The following KCNMA1 variants were observed in gnomAD, a reference collection of about 807,000 sequenced individuals.
The protein encoded by KCNMA1 is Calcium-activated potassium channel subunit alpha-1.
In KCNMA1, 29 loss-of-function variants were observed where a neutral mutation model predicts 140.0. The observed-to-expected ratio is 0.21, with a 90% CI of 0.15 to 0.28. The LOEUF is 0.28. KCNMA1 is among the 10% of genes least tolerant of loss of function. KCNMA1 has a pLI of 1.00. For synonymous variants in KCNMA1, 612 were observed against 611.9 expected (o/e 1.00, Z 0.00); for missense variants, 880 against 1,602.2 (o/e 0.55, Z 7.70).
rs1374875097 is a variant in KCNMA1 at position 76,947,419 on chromosome 10, C to A, written c.2709+1723G>T. Among the ~76,000 whole-genome samples, 4 of 152,096 alleles carry A rather than the reference C, an allele frequency of 2.6e-5. No homozygotes were observed. The East Asian group carries it at 7.7e-4, about 29-fold the overall frequency. ...TACACAAACACACAAAACACACACACAAATACCAAATATCACACATATACC... is the reference window on the plus strand; with the variant it reads ...TACACAAACACACAAAACACACACAAAAATACCAAATATCACACATATACC... On this transcript the variant is annotated intron_variant, in intron 22 of 27. Coordinates refer to ENST00000286628, the MANE Select transcript of KCNMA1 (RefSeq NM_001161352.2).
intron 1 of KCNMA1, among the ~76,000 whole-genome samples, chr10:77,589,286 C>G (rs2154564420): frequency 6.6e-6 from 1 of 152,244 alleles, no homozygotes; most frequent in Non-Finnish European, 1.5e-5. Flanking sequence ...TGGAGTAGGA[C>G]AAGTACTTAG....
At chr10:77,467,761 G>A (rs971696682) in intron 1 of KCNMA1, among the ~76,000 whole-genome samples, 3 of 152,208 alleles carry the variant, frequency 2.0e-5, no homozygotes, top group Admixed American at 6.5e-5. Flanking sequence ...GCCACTCGCC[G>A]AGTTCTACAT....
intron 1 of KCNMA1, among the ~76,000 whole-genome samples, chr10:77,432,077 C>T (rs2097167386): frequency 6.6e-6 from 1 of 152,182 alleles, no homozygotes; most frequent in South Asian, 2.1e-4. Context: ...AAGCCTCTCA[C>T]ACCTGCAGGA....
chr10:77,272,414 TAC>T (rs2065407321), intron 2 of KCNMA1, among the ~76,000 whole-genome samples: 1 of 152,164 alleles, frequency 6.6e-6, no homozygotes, highest in Non-Finnish European at 1.5e-5. Flanking sequence ...ACTTGATACA[TAC>T]AGTTAACTAT....
intron 2 of KCNMA1, among the ~76,000 whole-genome samples, chr10:77,362,355 C>A (rs1359585379): frequency 1.1e-5 from 1 of 88,840 alleles, no homozygotes; most frequent in Non-Finnish European, 2.2e-5. Context: ...CCCCCCCCAC[C>A]CCCCCCACCC....
In KCNMA1 at chr10:77,110,236, C is replaced by T. The variant is rs1417320062; in HGVS notation, c.1068G>A (p.Gly356=). The stretch of plus-strand genomic sequence containing the variant: ...CAAGTGTGGTTTTTGCATAAACATC[C>T]CCATAACCAACGGTGGACATTGTGA... ...LMVTMSTVGY[G]DVYAKTTLGR... Residue 356 remains glycine, a synonymous_variant, in exon 8 of 28, where the codon GGG becomes GGA. Coordinates refer to ENST00000286628, the MANE Select transcript of KCNMA1 (RefSeq NM_001161352.2). The T allele has an allele frequency of 6.2e-7, 1 of 1,613,938 alleles. No homozygotes were observed. The highest frequency in any genetic ancestry group is 1.1e-5 in the South Asian group (1 of 91,064).
chr10:76,891,441 G>A, intron 26 of KCNMA1, 84 bp downstream of exon 26: 1 of 1,047,250 alleles, frequency 9.5e-7, no homozygotes, highest in South Asian at 1.3e-5. Flanking sequence ...CAGATGCCTA[G>A]CTTGTCACAT....
chr10:77,063,845 C>A, intron 14 of KCNMA1: 3 of 985,334 alleles, frequency 3.0e-6, no homozygotes, highest in Non-Finnish European at 3.6e-6. Context: ...GGAATGCATG[C>A]AATTAATTAA....
chr10:77,092,823 A>ATCAG (rs1201370246), intron 9 of KCNMA1, among the ~76,000 whole-genome samples: 1 of 152,234 alleles, frequency 6.6e-6, no homozygotes, highest in Non-Finnish European at 1.5e-5. Flanking sequence ...CTGAATGAAC[A>ATCAG]TCAGCCAGCA....
intron 1 of KCNMA1, among the ~76,000 whole-genome samples, chr10:77,578,428 G>A (rs2074899654): frequency 6.6e-6 from 1 of 152,110 alleles, no homozygotes; most frequent in Non-Finnish European, 1.5e-5. Flanking sequence ...ACATCTCACA[G>A]ATCTCAAAAA....
chr10:76,970,224 CAA>C, intron 19 of KCNMA1, 157 bp from the exon 20 acceptor site: 1 of 664,284 alleles, frequency 1.5e-6, no homozygotes, highest in Non-Finnish European at 2.8e-6. Flanking sequence ...ATGTGTTAGT[CAA>C]AGAGGCCGGC....
chr10:77,592,110 T>C (rs897120828), intron 1 of KCNMA1, among the ~76,000 whole-genome samples: 1 of 152,170 alleles, frequency 6.6e-6, no homozygotes, highest in African/African-American at 2.4e-5. Flanking sequence ...AGGGAGCAGA[T>C]ATTCCAGTGG....
chr10:77,555,250 T>A (rs1366675320), intron 1 of KCNMA1, among the ~76,000 whole-genome samples: 1 of 152,214 alleles, frequency 6.6e-6, no homozygotes, highest in Non-Finnish European at 1.5e-5. Context: ...CAGGGTGACA[T>A]GTGACAAAGT....
intron 10 of KCNMA1, 115 bp downstream of exon 10, chr10:77,090,285 T>C: frequency 1.3e-6 from 1 of 792,826 alleles, no homozygotes. Context: ...CTTACCCAAC[T>C]CTGGCCCCAT....
At chr10:77,263,631 T>C (rs761644008) in intron 2 of KCNMA1, among the ~76,000 whole-genome samples, 6 of 152,122 alleles carry the variant, frequency 3.9e-5, no homozygotes, top group South Asian at 2.1e-4. Context: ...AAAAGGCTTA[T>C]GTAAAAGGCT....
chr10:77,112,329 A>T (rs2097345433), intron 7 of KCNMA1, 38 bp downstream of exon 7: 7 of 1,441,752 alleles, frequency 4.9e-6, no homozygotes, highest in Non-Finnish European at 6.8e-6. Context: ...GTCTTGTTGC[A>T]GGCAAGCGAG....
At chr10:77,606,184 G>A (rs766936152) in intron 1 of KCNMA1, among the ~76,000 whole-genome samples, 4 of 152,164 alleles carry the variant, frequency 2.6e-5, no homozygotes, top group African/African-American at 4.8e-5. Flanking sequence ...TGAAATACCA[G>A]GCTGGCTTTA....
chr10:77,256,779 A>G (rs1049805541), intron 2 of KCNMA1, among the ~76,000 whole-genome samples: 2 of 152,150 alleles, frequency 1.3e-5, no homozygotes, highest in African/African-American at 4.8e-5. Context: ...TTTTCTATAT[A>G]TGATCCCAAA....
rs111978870 is a variant in KCNMA1, at chr10:77,616,904, G to T, written c.378+20361C>A. ...CCAAGTGAGTGAACTGAGGCATGCA[G>T]AGGTGAAGTGGCTTGCCCAAGATCC... On this transcript the variant is annotated intron_variant, in intron 1 of 27. Transcript: ENST00000286628. Among the ~76,000 whole-genome samples the T allele has an allele frequency of 9.6e-3, 1,466 of 152,164 alleles. 17 individuals carry two copies. Among genetic ancestry groups the T allele is most frequent in the African/African-American group, 0.033 (1,382 of 41,498 alleles).
Sources: allele counts gnomAD v4.1 joint callset (sites outside exome capture counted in the v4.1 genomes callset), GRCh38; gene constraint gnomAD v4.1.1; transcripts MANE v1.5; gene names NCBI Gene and HGNC (gene_info 2026-07-23, HGNC 2026-07-21).